The following SPAG16 variants were observed in gnomAD, a reference collection of about 807,000 sequenced individuals.
SPAG16 encodes the protein sperm associated antigen 16.
Under a neutral mutation model 80.4 loss-of-function variants are expected in SPAG16, and 86 were observed. The ratio of observed to expected loss-of-function variants is 1.07; its 90% confidence interval spans 0.90 to 1.28. The LOEUF (loss-of-function observed/expected upper bound fraction) is 1.28, where lower values mean the gene tolerates loss of function less well. Ranked by LOEUF, SPAG16 falls within the 50% of genes most tolerant of loss-of-function variation. SPAG16 has a pLI of 0.00. For missense variants in SPAG16, 870 were observed against 765.3 expected, an observed-to-expected ratio of 1.14 and a Z score of -1.61; for synonymous variants, 294 against 265.9, an observed-to-expected ratio of 1.11 and a Z score of -1.03.
chr2:213,661,591 C>T lies in SPAG16; in HGVS notation c.1070+171501C>T, dbSNP rs75945711. 3.3e-5 allele frequency among the ~76,000 whole-genome samples: 5 copies of T among 152,178 alleles called. No individual in the cohort carries two copies. The East Asian group carries it at 9.6e-4, about 29-fold the overall frequency. On this transcript the variant is annotated intron_variant, in intron 10 of 15. Transcript: ENST00000331683. ...GAAAGTGGGATATTTTGATTTGTTT[C>T]TTTTGATTTTAAAACACTGGATTTT...
chr2:213,980,092 C>G (rs1332634672), intron 12 of SPAG16, among the ~76,000 whole-genome samples: 1 of 150,950 alleles, frequency 6.6e-6, no homozygotes, highest in Non-Finnish European at 1.5e-5. Flanking sequence ...GTGTGGTGGC[C>G]TGTAATCCCA....
chr2:213,641,653 T>G (rs932403949), intron 10 of SPAG16, among the ~76,000 whole-genome samples: 1 of 152,220 alleles, frequency 6.6e-6, no homozygotes, highest in Non-Finnish European at 1.5e-5. Context: ...ACTTTTGTAT[T>G]TTACTTGGCT....
At chr2:213,546,277 C>T (rs1018829991) in intron 10 of SPAG16, among the ~76,000 whole-genome samples, 2 of 152,002 alleles carry the variant, frequency 1.3e-5, no homozygotes, top group Non-Finnish European at 2.9e-5. Flanking sequence ...CCATCTGTTT[C>T]CTGTTCATTA....
rs1171149454 is a variant in SPAG16 at position 214,223,049 on chromosome 2, T to A, written c.1720+73783T>A. 1.6e-4 allele frequency among the ~76,000 whole-genome samples: 24 copies of A among 152,312 alleles called. No individual in the cohort carries two copies. The East Asian group carries it at 4.6e-3, about 29-fold the overall frequency. On this transcript the variant is annotated intron_variant, in intron 15 of 15. Coordinates refer to ENST00000331683, the MANE Select transcript of SPAG16 (RefSeq NM_024532.5). The stretch of plus-strand genomic sequence containing the variant: ...TTAATGTCAAAAATTTTACCTTTCA[T>A]TTCTTAATATGAAATATATTGCAGA...
At chr2:213,872,994 AT>A (rs1399611571) in intron 11 of SPAG16, among the ~76,000 whole-genome samples, 1 of 152,014 alleles carries the variant, frequency 6.6e-6, no homozygotes, top group Non-Finnish European at 1.5e-5. Flanking sequence ...TATTTTCTTG[AT>A]GACATTTTTA....
chr2:213,688,584 C>T (rs910246802), intron 10 of SPAG16, among the ~76,000 whole-genome samples: 2 of 152,124 alleles, frequency 1.3e-5, no homozygotes, highest in Admixed American at 6.5e-5. Flanking sequence ...AAATAAAACC[C>T]ATCTAATGAG....
chr2:214,384,454 T>A (rs1438158230), intron 15 of SPAG16, among the ~76,000 whole-genome samples: 2 of 152,248 alleles, frequency 1.3e-5, no homozygotes, highest in Admixed American at 1.3e-4. Flanking sequence ...TGTGACATTT[T>A]ACTCAGGAAA....
rs140088322 is a variant in SPAG16, at chr2:213,660,331, G to A, written c.1070+170241G>A. ...TGTTGCCAGGCTTGAGTGCCGTGGC[G>A]CAATCTCAGCTCACTGCAACCTCTG... On this transcript the variant is annotated intron_variant, in intron 10 of 15. Coordinates refer to ENST00000331683, the MANE Select transcript of SPAG16 (RefSeq NM_024532.5). Among the ~76,000 whole-genome samples, 397 of 150,814 alleles carry A rather than the reference G, an allele frequency of 2.6e-3. 3 individuals are homozygous for A. The highest frequency in any genetic ancestry group is 2.8e-3 in the Non-Finnish European group (191 of 67,712).
At chr2:214,191,811 G>T (rs952231033) in intron 15 of SPAG16, among the ~76,000 whole-genome samples, 2 of 150,582 alleles carry the variant, frequency 1.3e-5, no homozygotes, top group Non-Finnish European at 2.9e-5. Context: ...TCTAGAAAAC[G>T]ATTTCCGTAT....
chr2:213,543,567 ATTC>A (rs2076522861), intron 10 of SPAG16, among the ~76,000 whole-genome samples: 1 of 151,936 alleles, frequency 6.6e-6, no homozygotes, highest in African/African-American at 2.4e-5. Flanking sequence ...TACATATTTA[ATTC>A]TTCTGCATCC....
At chr2:214,093,517 T>C (rs2052366819) in intron 13 of SPAG16, among the ~76,000 whole-genome samples, 1 of 147,466 alleles carries the variant, frequency 6.8e-6, no homozygotes, top group African/African-American at 2.5e-5. Context: ...TGTGTGTATG[T>C]ATATGTGTAT....
intron 15 of SPAG16, among the ~76,000 whole-genome samples, chr2:214,151,712 T>C (rs541901516): frequency 2.0e-5 from 3 of 151,712 alleles, no homozygotes; most frequent in Admixed American, 6.6e-5. Context: ...CAGAACTAAA[T>C]TGTGCAGTTA....
Position 214,068,521 on chromosome 2 carries a change from A to G in SPAG16, c.1528-39675A>G, listed in dbSNP as rs543024359. On this transcript the variant is annotated intron_variant, in intron 13 of 15. Coordinates refer to ENST00000331683, the MANE Select transcript of SPAG16 (RefSeq NM_024532.5). ...TTCTAATAAGACTCACTGTGGTACA[A>G]GGTCTGACTCAGAGCTTTTCCTAGG... Among the ~76,000 whole-genome samples, 4 of 152,264 alleles carry G rather than the reference A, an allele frequency of 2.6e-5. No individual in the cohort carries two copies. In the East Asian group the frequency reaches 7.7e-4, roughly 29 times the overall value.
Position 213,381,330 on chromosome 2 carries a change from A to G in SPAG16, c.942+6211A>G, listed in dbSNP as rs938219250. 2.6e-5 allele frequency among the ~76,000 whole-genome samples: 4 copies of G among 152,358 alleles called. No individual in the cohort carries two copies. In the South Asian group the frequency reaches 8.3e-4, roughly 32 times the overall value. On this transcript the variant is annotated intron_variant, in intron 9 of 15. Transcript: ENST00000331683. ...GTGAACCCAACATGATACAATGAACACATATTTTGTCCAGTGAAAATAAAA... is the reference window on the plus strand; with the variant it reads ...GTGAACCCAACATGATACAATGAACGCATATTTTGTCCAGTGAAAATAAAA...
At chr2:214,395,746 T>C (rs776330416) in intron 15 of SPAG16, among the ~76,000 whole-genome samples, 1 of 152,078 alleles carries the variant, frequency 6.6e-6, no homozygotes, top group African/African-American at 2.4e-5. Flanking sequence ...TGTGTTCTTA[T>C]CATTTAGCTC....
intron 15 of SPAG16, among the ~76,000 whole-genome samples, chr2:214,275,151 A>AC (rs1262144375): frequency 6.6e-6 from 1 of 152,110 alleles, no homozygotes; most frequent in African/African-American, 2.4e-5. Flanking sequence ...TATCCGCTTT[A>AC]CCATTTTTTA....
chr2:213,958,583 A>G (rs563489789), intron 12 of SPAG16, among the ~76,000 whole-genome samples: 4 of 152,320 alleles, frequency 2.6e-5, no homozygotes, highest in African/African-American at 9.6e-5. Flanking sequence ...CCACTGACCA[A>G]CTTTTTCAGT....
At chr2:213,747,828 C>T (rs1480881293) in intron 10 of SPAG16, among the ~76,000 whole-genome samples, 1 of 152,108 alleles carries the variant, frequency 6.6e-6, no homozygotes, top group African/African-American at 2.4e-5. Flanking sequence ...TATGGTTTAG[C>T]AGAAAGATCA....
chr2:213,554,375 G>T lies in SPAG16; in HGVS notation c.1070+64285G>T, dbSNP rs926912185. 7.2e-5 allele frequency among the ~76,000 whole-genome samples: 11 copies of T among 152,240 alleles called. No individual in the cohort carries two copies. In the East Asian group the frequency reaches 2.1e-3, roughly 29 times the overall value. On this transcript the variant is annotated intron_variant, in intron 10 of 15. Coordinates refer to ENST00000331683, the MANE Select transcript of SPAG16 (RefSeq NM_024532.5). ...TCCCTTGCAACAACCCTAGACAAAGGTCTTTCCACATGGAAACTAACTTAT... is the reference window on the plus strand; with the variant it reads ...TCCCTTGCAACAACCCTAGACAAAGTTCTTTCCACATGGAAACTAACTTAT...
Sources: gnomAD v4.1 joint callset for allele counts (sites outside exome capture counted in the v4.1 genomes callset) on GRCh38, gnomAD v4.1.1 for gene constraint, MANE v1.5 for transcripts, NCBI Gene and HGNC (gene_info 2026-07-23, HGNC 2026-07-21) for gene names.